RPS6KC1: variants seen among roughly 807,000 people sequenced by gnomAD.
RPS6KC1 encodes ribosomal protein S6 kinase C1.
RPS6KC1 carries 54 observed loss-of-function variants against 103.8 expected under a neutral mutation model. The ratio of observed to expected loss-of-function variants is 0.52; its 90% CI spans 0.42 to 0.65. RPS6KC1 has a LOEUF of 0.65. Among genes scored for constraint, RPS6KC1 ranks in the 30% least tolerant of loss-of-function variants. The pLI is 0.00. For missense variants in RPS6KC1, 1,151 were observed against 1,253.8 expected (o/e 0.92, Z 1.24); for synonymous variants, 439 against 438.7 (o/e 1.00, Z -0.01).
At chr1:213,437,451 G>A in the RPS6KC1 span, among the ~76,000 whole-genome samples, 7 of 151,906 alleles carry the variant, frequency 4.6e-5, no homozygotes, top group African/African-American at 7.2e-5. Context: ...AGAGATAACC[G>A]CTTGTTTTTT....
At chr1:213,825,878 A>G in the RPS6KC1 span, among the ~76,000 whole-genome samples, 1 of 152,342 alleles carries the variant, frequency 6.6e-6, no homozygotes, top group East Asian at 1.9e-4. Flanking sequence ...ATAAGCAGTA[A>G]AGTCTCCCAC....
intron 1 of RPS6KC1, among the ~76,000 whole-genome samples, chr1:213,060,526 A>T (rs973670745): frequency 7.9e-5 from 12 of 152,200 alleles, no homozygotes; most frequent in African/African-American, 2.9e-4. Context: ...TTTAACTTGT[A>T]ATATTGTTTA....
the RPS6KC1 span, among the ~76,000 whole-genome samples, chr1:213,845,945 C>G: frequency 6.6e-6 from 1 of 152,046 alleles, no homozygotes; most frequent in South Asian, 2.1e-4. Flanking sequence ...TCTCTTCCAC[C>G]TGATAACCCC....
chr1:213,215,750 AACC>A (rs1336879912), intron 8 of RPS6KC1, among the ~76,000 whole-genome samples: 3 of 152,246 alleles, frequency 2.0e-5, no homozygotes, highest in Non-Finnish European at 2.9e-5. Context: ...AAGAATTTTT[AACC>A]CAGAATTTCA....
chr1:213,253,510 C>G (rs977350836), intron 12 of RPS6KC1, among the ~76,000 whole-genome samples: 1 of 152,140 alleles, frequency 6.6e-6, no homozygotes, highest in African/African-American at 2.4e-5. Context: ...GAAACGTTTT[C>G]GATTAAAGCT....
In RPS6KC1 at chr1:213,230,533, T is replaced by G; in HGVS notation, c.1081T>G (p.Phe361Val). The part of the protein sequence containing the change: ...LVMDTRTEQT[F>V]ILKGLRKSSE... Reference sequence around the variant, plus strand: ...AATGGACACAAGGACAGAACAGACTTTCATTTTAAAAGTAAGTAAAATTTG... The same window carrying G: ...AATGGACACAAGGACAGAACAGACTGTCATTTTAAAAGTAAGTAAAATTTG... Residue 361 changes from phenylalanine (F) to valine (V), a missense_variant, in exon 9 of 15, where the codon TTC (phenylalanine) becomes GTC (valine). By Grantham distance (50) the Phe-to-Val change is conservative. Coordinates refer to ENST00000366960, the MANE Select transcript of RPS6KC1 (RefSeq NM_012424.6). 5 of 1,604,782 alleles carry G rather than the reference T, an allele frequency of 3.1e-6. No individual in the cohort carries two copies. The highest frequency in any genetic ancestry group is 4.3e-6 in the Non-Finnish European group (5 of 1,175,244).
At chr1:213,860,116 GAT>G in the RPS6KC1 span, among the ~76,000 whole-genome samples, 1 of 150,802 alleles carries the variant, frequency 6.6e-6, no homozygotes, top group East Asian at 1.9e-4. Flanking sequence ...TATATATTCA[GAT>G]ATATATACAT....
At chr1:213,546,247 A>G in the RPS6KC1 span, 1 of 152,220 alleles carries the variant, frequency 6.6e-6, no homozygotes, top group Non-Finnish European at 1.5e-5. Context: ...AGGGAAGCAG[A>G]CATTACCTCT....
chr1:213,420,822 C>T, the RPS6KC1 span, among the ~76,000 whole-genome samples: 1 of 152,176 alleles, frequency 6.6e-6, no homozygotes, highest in Non-Finnish European at 1.5e-5. Flanking sequence ...GATCAAGGTG[C>T]TGGCAGGGCC....
the RPS6KC1 span, among the ~76,000 whole-genome samples, chr1:213,802,180 C>G: frequency 6.6e-6 from 1 of 152,302 alleles, no homozygotes; most frequent in South Asian, 2.1e-4. Flanking sequence ...ATGTGAGGAA[C>G]AAGCTATGTG....
intron 3 of RPS6KC1, among the ~76,000 whole-genome samples, chr1:213,082,221 C>A (rs541880537): frequency 6.6e-6 from 1 of 152,002 alleles, no homozygotes; most frequent in South Asian, 2.1e-4. Flanking sequence ...GAAATCGAAA[C>A]CATCCTGGCT....
the RPS6KC1 span, among the ~76,000 whole-genome samples, chr1:213,493,821 G>A: frequency 1.3e-5 from 2 of 152,226 alleles, no homozygotes; most frequent in Admixed American, 6.5e-5. Context: ...AATACAGAGA[G>A]CAAGTGTGTT....
chr1:213,557,694 T>C, the RPS6KC1 span, among the ~76,000 whole-genome samples: 1 of 152,206 alleles, frequency 6.6e-6, no homozygotes, highest in African/African-American at 2.4e-5. Context: ...ATTTGTACTG[T>C]GGCTGAGGGC....
the RPS6KC1 span, among the ~76,000 whole-genome samples, chr1:213,523,757 G>A: frequency 6.6e-6 from 1 of 152,370 alleles, no homozygotes; most frequent in Non-Finnish European, 1.5e-5. Flanking sequence ...GTAAGAAGCT[G>A]CATTAGCAGA....
At chr1:213,548,530 G>T in the RPS6KC1 span, among the ~76,000 whole-genome samples, 1 of 152,232 alleles carries the variant, frequency 6.6e-6, no homozygotes, top group South Asian at 2.1e-4. Context: ...GCTTGGTGAC[G>T]CACACCTGTA....
At chr1:213,435,485 G>A in the RPS6KC1 span, among the ~76,000 whole-genome samples, 1 of 152,116 alleles carries the variant, frequency 6.6e-6, no homozygotes, top group African/African-American at 2.4e-5. Flanking sequence ...CTTAGACTTT[G>A]TTTGGGGAAG....
At chr1:213,430,805 A>G in the RPS6KC1 span, among the ~76,000 whole-genome samples, 1 of 152,238 alleles carries the variant, frequency 6.6e-6, no homozygotes, top group African/African-American at 2.4e-5. Flanking sequence ...TCCTGTTCTC[A>G]TTGATCAATT....
the RPS6KC1 span, chr1:213,821,707 A>G: frequency 1.3e-5 from 2 of 152,062 alleles, no homozygotes; most frequent in South Asian, 4.2e-4. Flanking sequence ...TTCACCATCT[A>G]CTTTTCCAGC....
intron 1 of RPS6KC1, among the ~76,000 whole-genome samples, chr1:213,058,059 C>CTTT (rs756919339): frequency 1.3e-4 from 14 of 111,948 alleles, no homozygotes; most frequent in African/African-American, 4.3e-4. Flanking sequence ...TGCGCCTGAC[C>CTTT]TTTTTTTTTT....
Sources: allele counts gnomAD v4.1 joint callset (sites outside exome capture counted in the v4.1 genomes callset), GRCh38; gene constraint gnomAD v4.1.1; transcripts MANE v1.5; gene names NCBI Gene and HGNC (gene_info 2026-07-23, HGNC 2026-07-21).